Variants in INSR observed in about 807,000 individuals in gnomAD.
INSR encodes the protein insulin receptor.
In INSR, 67 loss-of-function variants were observed where a neutral mutation model predicts 142.6. The observed-to-expected ratio is 0.47, with a 90% CI of 0.39 to 0.58. The LOEUF is 0.58. Ranked by LOEUF, INSR falls within the 20% of genes least tolerant of loss-of-function variation. The pLI is 0.00. For synonymous variants in INSR, 756 were observed against 743.1 expected, an observed-to-expected ratio of 1.02 and a Z score of -0.28; for missense variants, 1,248 against 1,833.2, an observed-to-expected ratio of 0.68 and a Z score of 5.83.
intron 3 of INSR, among the ~76,000 whole-genome samples, chr19:7,183,358 G>A (rs1974325461): frequency 6.6e-6 from 1 of 151,712 alleles, no homozygotes; most frequent in Admixed American, 6.6e-5. Context: ...TTGCAACTCA[G>A]TTACGGCCCC....
At chr19:7,188,877 A>G (rs1974503819) in intron 2 of INSR, among the ~76,000 whole-genome samples, 1 of 151,632 alleles carries the variant, frequency 6.6e-6, no homozygotes, top group South Asian at 2.1e-4. Context: ...TCTCAAAAAA[A>G]AAAAAAAAAA....
At chr19:7,228,975 A>ATG (rs1555683655) in intron 2 of INSR, among the ~76,000 whole-genome samples, 10 of 128,794 alleles carry the variant, frequency 7.8e-5, no homozygotes, top group African/African-American at 1.2e-4. Context: ...GGCAGAGTAG[A>ATG]CAGAAGGATG....
chr19:7,223,589 G>T (rs890859), intron 2 of INSR, among the ~76,000 whole-genome samples: 2,956 of 152,290 alleles, frequency 0.019, 107 homozygotes, highest in African/African-American at 0.067. Flanking sequence ...ATTCTAGGAG[G>T]ATCAGGAAGC....
At chr19:7,194,756 G>A (rs1028746217) in intron 2 of INSR, among the ~76,000 whole-genome samples, 9 of 148,684 alleles carry the variant, frequency 6.1e-5, no homozygotes, top group African/African-American at 7.5e-5. Context: ...CGTGACCTCC[G>A]TCTGCCTTGG....
intron 14 of INSR, among the ~76,000 whole-genome samples, chr19:7,131,717 G>C (rs1972785932): frequency 7.1e-6 from 1 of 140,802 alleles, no homozygotes; most frequent in South Asian, 2.3e-4. Context: ...TGCAGGATCA[G>C]GCCAGGCATG....
intron 2 of INSR, among the ~76,000 whole-genome samples, chr19:7,226,919 C>A (rs1568202858): frequency 6.6e-6 from 1 of 152,180 alleles, no homozygotes; most frequent in Non-Finnish European, 1.5e-5. Context: ...AAGATCTCAG[C>A]AGCTCCACTT....
In INSR at chr19:7,170,871, C is replaced by T. The variant is rs16994298; in HGVS notation, c.1269-120G>A. 5.4e-3 allele frequency: 4,429 copies of T among 817,274 alleles called. 35 individuals are homozygous for T. Among genetic ancestry groups the T allele is most frequent in the East Asian group, 0.021 (859 of 41,326 alleles). The allele number at this position is 817,274 out of a possible 1,614,324, so 50.6% of individuals were successfully genotyped here. On this transcript the variant is annotated intron_variant, in intron 5 of 21. Coordinates refer to ENST00000302850, the MANE Select transcript of INSR (RefSeq NM_000208.4). ...CTACGTGCCTAATCCTCTCCACTTG[C>T]TTGGCACATACTCAACACATATTTG...
chr19:7,158,911 T>G (rs1010074615), intron 9 of INSR, among the ~76,000 whole-genome samples: 1 of 151,366 alleles, frequency 6.6e-6, no homozygotes, highest in South Asian at 2.1e-4. Flanking sequence ...AATTTTTGTT[T>G]TGTTTTGTTT....
At chr19:7,288,917 C>T (rs1290674437) in intron 1 of INSR, among the ~76,000 whole-genome samples, 1 of 131,892 alleles carries the variant, frequency 7.6e-6, no homozygotes, top group Non-Finnish European at 1.5e-5. Context: ...GAGCCAAGAT[C>T]ATGCCATTGC....
Position 7,139,697 on chromosome 19 carries a change from A to G in INSR, c.2682+1980T>C, listed in dbSNP as rs148891812. 6.1e-3 allele frequency among the ~76,000 whole-genome samples: 923 copies of G among 152,268 alleles called. 7 individuals are homozygous for G. Among genetic ancestry groups the G allele is most frequent in the East Asian group, 0.042 (216 of 5,186 alleles). On this transcript the variant is annotated intron_variant, in intron 13 of 21. Coordinates refer to ENST00000302850, the MANE Select transcript of INSR (RefSeq NM_000208.4). ...TTAAAAAAGGCAAATCAAGCCATTC[A>G]TTTAGCAAACAGGGCCCCAAAATAG...
chr19:7,224,552 C>T (rs1975720691), intron 2 of INSR, among the ~76,000 whole-genome samples: 1 of 152,164 alleles, frequency 6.6e-6, no homozygotes, highest in South Asian at 2.1e-4. Context: ...TGCCGACGGC[C>T]CCACTCCAGG....
At chr19:7,275,963 G>A (rs1051867906) in intron 1 of INSR, among the ~76,000 whole-genome samples, 1 of 152,070 alleles carries the variant, frequency 6.6e-6, no homozygotes, top group Non-Finnish European at 1.5e-5. Context: ...AGAGAAGGCG[G>A]ACATGAGAGC....
chr19:7,157,462 T>C (rs113474477), intron 9 of INSR, among the ~76,000 whole-genome samples: 3,912 of 141,102 alleles, frequency 0.028, 110 homozygotes, highest in African/African-American at 0.068. Context: ...AGAGTTTTGC[T>C]GTGTTGGCCA....
At chr19:7,200,008 G>T (rs1396735876) in intron 2 of INSR, among the ~76,000 whole-genome samples, 1 of 152,142 alleles carries the variant, frequency 6.6e-6, no homozygotes, top group East Asian at 1.9e-4. Flanking sequence ...GCAAATGTGT[G>T]AATCACTCGG....
At chr19:7,261,198 A>T (rs894388187) in intron 2 of INSR, among the ~76,000 whole-genome samples, 2 of 148,524 alleles carry the variant, frequency 1.3e-5, no homozygotes, top group African/African-American at 2.5e-5. Flanking sequence ...GGCTGAACTA[A>T]TGTAGATCTC....
chr19:7,275,459 T>TGAATTAAATTGAAATGAA (rs1968036333), intron 1 of INSR, among the ~76,000 whole-genome samples: 1 of 152,128 alleles, frequency 6.6e-6, no homozygotes, highest in Non-Finnish European at 1.5e-5. Context: ...AAAGTTTACA[T>TGAATTAAATTGAAATGAA]TGACATTTCA....
chr19:7,208,771 C>T (rs1300534619), intron 2 of INSR, among the ~76,000 whole-genome samples: 2 of 152,018 alleles, frequency 1.3e-5, no homozygotes, highest in East Asian at 1.9e-4. Context: ...TTTGGGAGGC[C>T]GAAGTGGGCG....
Position 7,125,207 on chromosome 19 carries a change from C to T in INSR, c.3258+76G>A. The T allele has an allele frequency of 6.3e-7, 1 of 1,586,250 alleles. No homozygotes were observed. The highest frequency in any genetic ancestry group is 1.3e-5 in the African/African-American group (1 of 74,448). On this transcript the variant is annotated intron_variant, in intron 17 of 21. Transcript: ENST00000302850. The surrounding 1 kb of genome is among the most constrained non-coding windows in gnomAD (Gnocchi z 4.9). The stretch of plus-strand genomic sequence containing the variant: ...AGGTTACACCCTGTGTCCTCTGTCG[C>T]TCTGTGCAGGAGGAGGAGGCAGAGA...
At chr19:7,161,892 G>A (rs1189461437) in intron 9 of INSR, among the ~76,000 whole-genome samples, 1 of 152,078 alleles carries the variant, frequency 6.6e-6, no homozygotes, top group African/African-American at 2.4e-5. Flanking sequence ...TTAAAAATGT[G>A]TATGTATGAG....
Sources: allele counts gnomAD v4.1 joint callset (sites outside exome capture counted in the v4.1 genomes callset), GRCh38; gene constraint gnomAD v4.1.1; non-coding constraint Gnocchi (gnomAD v3.1); transcripts MANE v1.5; gene names NCBI Gene and HGNC (gene_info 2026-07-23, HGNC 2026-07-21).